Variants in THEM4 observed in about 807,000 individuals in gnomAD.
THEM4 encodes acyl-coenzyme A thioesterase THEM4.
In THEM4, 22 loss-of-function variants were observed where a neutral mutation model predicts 25.0. The ratio of observed to expected loss-of-function variants is 0.88; its 90% CI spans 0.63 to 1.26. The LOEUF is 1.26. Among genes scored for constraint, THEM4 ranks in the 50% most tolerant of loss-of-function variants. The probability of loss-of-function intolerance (pLI) is 0.00; values close to 1 mark genes in which losing one functional copy is unlikely to be tolerated. For synonymous variants in THEM4, 113 were observed against 105.6 expected, an observed-to-expected ratio of 1.07 and a Z score of -0.43; for missense variants, 286 against 300.3, an observed-to-expected ratio of 0.95 and a Z score of 0.35.
rs1653612030 is a variant in THEM4, at chr1:151,873,988, A to G, written c.*900T>C. ...TACTTTGCTACAGCAGCCCTAGGAA[A>G]TGAACACAGGCTCCTTCCAGTGATG... On this transcript the variant is annotated 3_prime_UTR_variant, in exon 6 of 6. Transcript: ENST00000368814. The G allele has an allele frequency of 6.6e-6, 1 of 152,254 alleles. No homozygotes were observed. Among genetic ancestry groups the G allele is most frequent in the Non-Finnish European group, 1.5e-5 (1 of 68,050 alleles). 9.4% of individuals were successfully genotyped at this position (152,254 alleles called of 1,614,324 possible).
chr1:151,882,496 CTG>C (rs2101718634), intron 4 of THEM4, among the ~76,000 whole-genome samples: 1 of 152,052 alleles, frequency 6.6e-6, no homozygotes, highest in South Asian at 2.1e-4. Flanking sequence ...GATGAGGAAA[CTG>C]AGGCCCAGAG....
At chr1:151,897,855 T>C (rs1654258379) in intron 1 of THEM4, among the ~76,000 whole-genome samples, 1 of 152,128 alleles carries the variant, frequency 6.6e-6, no homozygotes. Flanking sequence ...AGGAGAAATT[T>C]CTGACTTTAC....
intron 1 of THEM4, among the ~76,000 whole-genome samples, chr1:151,903,247 T>TA (rs1654391553): frequency 6.6e-6 from 1 of 152,184 alleles, no homozygotes; most frequent in African/African-American, 2.4e-5. Flanking sequence ...TTAATATAAT[T>TA]AATGGCAAAT....
At chr1:151,875,831 G>C (rs1234341489) in intron 5 of THEM4, among the ~76,000 whole-genome samples, 1 of 152,112 alleles carries the variant, frequency 6.6e-6, no homozygotes, top group Admixed American at 6.5e-5. Context: ...GTTTAATTTG[G>C]TACAGGCTTA....
chr1:151,877,179 C>T lies in THEM4; in HGVS notation c.558-54G>A, dbSNP rs1653703905. On this transcript the variant is annotated intron_variant, in intron 4 of 5. Transcript: ENST00000368814. ...ATCAGTTTTTATCTGACTTATATAA[C>T]ATTAAAAGATGATCAAGTACATGAC... 6 of 1,531,900 alleles carry T rather than the reference C, an allele frequency of 3.9e-6. No homozygotes were observed. In the South Asian group the frequency reaches 7.6e-5, roughly 19 times the overall value. The allele number at this position is 1,531,900 out of a possible 1,614,324, so 94.9% of individuals were successfully genotyped here.
intron 5 of THEM4, among the ~76,000 whole-genome samples, chr1:151,876,749 G>A (rs185360608): frequency 6.6e-6 from 1 of 152,070 alleles, no homozygotes; most frequent in African/African-American, 2.4e-5. Flanking sequence ...GCATTGGGCT[G>A]TAATTTTGAT....
intron 4 of THEM4, among the ~76,000 whole-genome samples, chr1:151,886,064 T>A (rs1425388951): frequency 4.6e-5 from 7 of 152,206 alleles, no homozygotes; most frequent in Admixed American, 4.6e-4. Context: ...TAAAATCCAA[T>A]ACTTTATTCT....
intron 4 of THEM4, among the ~76,000 whole-genome samples, chr1:151,879,742 C>T (rs187111104): frequency 4.0e-5 from 6 of 151,238 alleles, no homozygotes; most frequent in Non-Finnish European, 5.9e-5. Context: ...CTGCAACCTC[C>T]GCCTCCTGGG....
intron 1 of THEM4, among the ~76,000 whole-genome samples, chr1:151,905,110 C>T (rs199645246): frequency 7.4e-6 from 1 of 134,368 alleles, no homozygotes; most frequent in Non-Finnish European, 1.6e-5. Flanking sequence ...TTTGGTTACA[C>T]ATTTATAAAG....
chr1:151,876,862 A>G, intron 5 of THEM4, 139 bp downstream of exon 5: 1 of 1,015,778 alleles, frequency 9.8e-7, no homozygotes, highest in Non-Finnish European at 1.4e-6. Flanking sequence ...ATGGGTTATA[A>G]TACCAGGGCA....
chr1:151,897,006 A>G (rs896454717), intron 1 of THEM4, among the ~76,000 whole-genome samples: 19 of 152,154 alleles, frequency 1.2e-4, no homozygotes, highest in African/African-American at 2.7e-4. Flanking sequence ...TTTCTGTAGC[A>G]CCAAGCACTG....
chr1:151,885,465 G>C (rs186248183), intron 4 of THEM4, among the ~76,000 whole-genome samples: 5 of 152,264 alleles, frequency 3.3e-5, no homozygotes, highest in Admixed American at 3.3e-4. Context: ...CATTTATATT[G>C]TGTATTTGAT....
chr1:151,894,393 T>C (rs911609593), intron 2 of THEM4, among the ~76,000 whole-genome samples: 1 of 152,202 alleles, frequency 6.6e-6, no homozygotes, highest in Non-Finnish European at 1.5e-5. Flanking sequence ...TAATATTGGC[T>C]CATCAATTGT....
At chr1:151,894,073 G>A (rs1654158421) in intron 2 of THEM4, among the ~76,000 whole-genome samples, 1 of 152,086 alleles carries the variant, frequency 6.6e-6, no homozygotes, top group Non-Finnish European at 1.5e-5. Flanking sequence ...ATGTTGGCCA[G>A]GCTGGTCTTA....
chr1:151,906,877 C>T (rs151103911), intron 1 of THEM4, among the ~76,000 whole-genome samples: 9 of 152,064 alleles, frequency 5.9e-5, no homozygotes, highest in African/African-American at 1.9e-4. Flanking sequence ...CAATCAGGGC[C>T]CTGTCAAAAC....
chr1:151,909,293 G>C, intron 1 of THEM4, 67 bp downstream of exon 1: 2 of 1,318,160 alleles, frequency 1.5e-6, no homozygotes, highest in Admixed American at 2.3e-5. Context: ...ACAATCGAAG[G>C]CTCTGTTACC....
chr1:151,893,049 C>A (rs1303784377), intron 2 of THEM4, among the ~76,000 whole-genome samples: 2 of 152,056 alleles, frequency 1.3e-5, no homozygotes, highest in Non-Finnish European at 2.9e-5. Flanking sequence ...GTCACTGGTA[C>A]CTTTGGCAAG....
intron 1 of THEM4, 25 bp from the exon 2 acceptor site, chr1:151,895,219 G>GT: frequency 6.4e-6 from 10 of 1,559,200 alleles, no homozygotes; most frequent in Non-Finnish European, 7.8e-6. Context: ...AAAAAGAAAA[G>GT]TAAGTAATGG....
intron 4 of THEM4, among the ~76,000 whole-genome samples, chr1:151,886,574 G>A (rs6698740): frequency 0.58 from 88,458 of 151,930 alleles, 26,033 homozygotes; most frequent in Admixed American, 0.67. Context: ...CAGATTTCTA[G>A]AATCTAATTT....
Sources: allele counts gnomAD v4.1 joint callset (sites outside exome capture counted in the v4.1 genomes callset), GRCh38; gene constraint gnomAD v4.1.1; transcripts MANE v1.5; gene names NCBI Gene and HGNC (gene_info 2026-07-23, HGNC 2026-07-21).